Variants in GMPS observed in about 807,000 individuals in gnomAD.
GMPS encodes the protein GMP synthase [glutamine-hydrolyzing].
Under a neutral mutation model 77.9 loss-of-function variants are expected in GMPS, and 15 were observed. The ratio of observed to expected loss-of-function variants is 0.19; its 90% CI spans 0.13 to 0.30. The LOEUF (loss-of-function observed/expected upper bound fraction) is 0.30. GMPS is among the 10% of genes least tolerant of loss of function. The probability of loss-of-function intolerance (pLI) is 1.00; values close to 1 mark genes in which losing one functional copy is unlikely to be tolerated. For missense variants in GMPS, 590 were observed against 838.8 expected (o/e 0.70, Z 3.66); for synonymous variants, 224 against 275.9 (o/e 0.81, Z 1.86).
intron 1 of GMPS, among the ~76,000 whole-genome samples, chr3:155,876,883 C>T (rs771557535): frequency 9.2e-5 from 14 of 152,196 alleles, no homozygotes; most frequent in Admixed American, 9.2e-4. Flanking sequence ...CTGAACCTGA[C>T]CCTAAGGTAA....
In GMPS at chr3:155,942,122, C is replaced by CACT. The variant is rs1195314976; in HGVS notation, c.*4430_*4431insACT. The CACT allele has an allele frequency of 4.2e-5, 8 of 189,458 alleles. No individual in the cohort carries two copies. In the South Asian group the frequency reaches 1.4e-3, roughly 32 times the overall value. 11.7% of individuals were successfully genotyped at this position (189,458 alleles called of 1,614,324 possible). A position where few individuals can be genotyped will look rare whatever the true frequency, so the allele number is the denominator to read the frequency against. ...TTTTGTTTTTTTTTTAAGACAGAGT[C>CACT]TCGCTCTGTCCCCAAGTGCAGTGGC... On this transcript the variant is annotated 3_prime_UTR_variant, in exon 16 of 16. Transcript: ENST00000496455.
intron 12 of GMPS, among the ~76,000 whole-genome samples, chr3:155,928,273 C>T (rs1035659693): frequency 9.9e-5 from 15 of 150,970 alleles, no homozygotes; most frequent in African/African-American, 3.2e-4. Context: ...GCAATCCACC[C>T]GCCTCGGCCT....
intron 1 of GMPS, among the ~76,000 whole-genome samples, chr3:155,881,171 T>G (rs1002193218): frequency 2.1e-5 from 3 of 143,838 alleles, no homozygotes; most frequent in Admixed American, 7.1e-5. Flanking sequence ...TTAGTTTTTT[T>G]TTTTTTTTTT....
rs1754647378 is a variant in GMPS at position 155,898,173 on chromosome 3, C to G, written c.324+132C>G. 3 of 661,694 alleles carry G rather than the reference C, an allele frequency of 4.5e-6. No individual in the cohort carries two copies. In the South Asian group the frequency reaches 5.3e-5, roughly 12 times the overall value. The allele number at this position is 661,694 out of a possible 1,614,324, so 41.0% of individuals were successfully genotyped here. On this transcript the variant is annotated intron_variant, in intron 3 of 15. Coordinates refer to ENST00000496455, the MANE Select transcript of GMPS (RefSeq NM_003875.3). ...ATGAGATAACTTGTGCATGTTACAA[C>G]TATGTGAATTGCCACACTAGTATGG...
chr3:155,893,717 C>A lies in GMPS; in HGVS notation c.209+18C>A. On this transcript the variant is annotated intron_variant, in intron 2 of 15. Transcript: ENST00000496455. ...GGATTCCGGTAGACTTTTCACTAAT[C>A]TTTTCATGAGGAGATTGAACTTAGA... The A allele has an allele frequency of 1.4e-6, 2 of 1,450,750 alleles. No individual in the cohort carries two copies. The highest frequency in any genetic ancestry group is 9.5e-7 in the Non-Finnish European group (1 of 1,048,210). The allele number at this position is 1,450,750 out of a possible 1,614,324, so 89.9% of individuals were successfully genotyped here. A position where few individuals can be genotyped will look rare whatever the true frequency, so the allele number is the denominator to read the frequency against.
intron 7 of GMPS, among the ~76,000 whole-genome samples, chr3:155,911,886 T>C (rs1210782185): frequency 1.3e-5 from 2 of 151,516 alleles, no homozygotes; most frequent in South Asian, 2.1e-4. Context: ...TATTTAATGA[T>C]ATTTATGTAC....
At position 155,870,690 on chromosome 3, in the gene GMPS, C is replaced by CCCGCGCT. The variant is rs1397900647; in HGVS notation, c.-176_-170dup. On this transcript the variant is annotated 5_prime_UTR_variant, in exon 1 of 16. Coordinates refer to ENST00000496455, the MANE Select transcript of GMPS (RefSeq NM_003875.3). ...GGTCTTCTCTCCCGCGGCGCTGGGG[C>CCCGCGCT]CCGCGCTCCGCTGCTGTTGCTCCAT... 5.8e-6 allele frequency: 3 copies of CCCGCGCT among 519,696 alleles called. No homozygotes were observed. The highest frequency in any genetic ancestry group is 1.0e-5 in the Non-Finnish European group (3 of 293,098). 32.2% of individuals were successfully genotyped at this position (519,696 alleles called of 1,614,324 possible).
chr3:155,906,370 T>A, intron 5 of GMPS, 107 bp downstream of exon 5: 1 of 561,798 alleles, frequency 1.8e-6, no homozygotes, highest in Non-Finnish European at 3.2e-6. Flanking sequence ...TTCTTCTGAT[T>A]TTTCTTCTCT....
At chr3:155,911,352 A>G in intron 7 of GMPS, 73 bp downstream of exon 7, 3 of 885,756 alleles carry the variant, frequency 3.4e-6, no homozygotes, top group Non-Finnish European at 5.0e-6. Flanking sequence ...TATGGTTTAA[A>G]TGAGCACAAT....
rs141710260 is a variant in GMPS at position 155,943,465 on chromosome 3, C to A, written c.*5773C>A. ...ATTTTTAAGGTAAGTAGTTTTTCGT[C>A]TTTGCATCTCCTAAGACCATTGTTA... On this transcript the variant is annotated 3_prime_UTR_variant, in exon 16 of 16. Transcript: ENST00000496455. 2.8e-5 allele frequency: 5 copies of A among 179,346 alleles called. No homozygotes were observed. Among genetic ancestry groups the A allele is most frequent in the African/African-American group, 1.2e-4 (5 of 42,442 alleles). 11.1% of individuals were successfully genotyped at this position (179,346 alleles called of 1,614,324 possible).
intron 12 of GMPS, among the ~76,000 whole-genome samples, chr3:155,927,655 A>T (rs192251843): frequency 8.7e-4 from 132 of 152,312 alleles, no homozygotes; most frequent in African/African-American, 2.9e-3. Flanking sequence ...TTTTCTAAAT[A>T]CCAAAGTAAA....
chr3:155,908,620 G>A (rs1316045816), intron 5 of GMPS, among the ~76,000 whole-genome samples: 1 of 152,166 alleles, frequency 6.6e-6, no homozygotes, highest in African/African-American at 2.4e-5. Flanking sequence ...AGAGACAGAG[G>A]ATTTGCTGTT....
At chr3:155,922,697 G>A (rs1398022154) in intron 11 of GMPS, among the ~76,000 whole-genome samples, 1 of 152,138 alleles carries the variant, frequency 6.6e-6, no homozygotes, top group African/African-American at 2.4e-5. Context: ...TCATGTACAG[G>A]TGTCTGAGTA....
chr3:155,917,068 G>A (rs903779670), intron 9 of GMPS, among the ~76,000 whole-genome samples: 12 of 151,256 alleles, frequency 7.9e-5, no homozygotes, highest in Admixed American at 6.6e-4. Context: ...TCTGCCTCCC[G>A]GTTCAAGAGA....
intron 11 of GMPS, among the ~76,000 whole-genome samples, chr3:155,922,545 A>T (rs1755344755): frequency 6.6e-6 from 1 of 152,178 alleles, no homozygotes; most frequent in Non-Finnish European, 1.5e-5. Context: ...GCACTCTTTT[A>T]TGTGTATTTC....
At chr3:155,870,647 G>C, upstream of GMPS, 1 of 475,578 alleles carries the variant, frequency 2.1e-6, no homozygotes, top group Non-Finnish European at 3.7e-6. Flanking sequence ...AGGAGGCGGG[G>C]GCAGCGTGCG....
intron 1 of GMPS, among the ~76,000 whole-genome samples, chr3:155,875,690 A>T (rs1016914788): frequency 6.6e-6 from 1 of 152,240 alleles, no homozygotes; most frequent in African/African-American, 2.4e-5. Flanking sequence ...TGTGGCATAT[A>T]CAATTCTGGG....
intron 12 of GMPS, 131 bp downstream of exon 12, chr3:155,925,497 T>G: frequency 1.7e-6 from 1 of 582,928 alleles, no homozygotes; most frequent in Non-Finnish European, 3.0e-6. Flanking sequence ...CTCCGCCTCC[T>G]GGGTTCAAGC....
intron 1 of GMPS, among the ~76,000 whole-genome samples, chr3:155,873,292 T>C (rs1270416136): frequency 6.6e-6 from 1 of 152,068 alleles, no homozygotes; most frequent in African/African-American, 2.4e-5. Context: ...ATTTTTAATT[T>C]ATATTATTTT....
Sources: allele counts gnomAD v4.1 joint callset (sites outside exome capture counted in the v4.1 genomes callset), GRCh38; gene constraint gnomAD v4.1.1; transcripts MANE v1.5; gene names NCBI Gene and HGNC (gene_info 2026-07-23, HGNC 2026-07-21).